The following NT5DC3 variants were observed in gnomAD, a reference collection of about 807,000 sequenced individuals.
The protein encoded by NT5DC3 is 5'-nucleotidase domain-containing protein 3.
A neutral mutation model predicts 67.8 loss-of-function variants in NT5DC3; 42 were observed. The ratio of observed to expected loss-of-function variants is 0.62; its 90% CI spans 0.48 to 0.80. The LOEUF (loss-of-function observed/expected upper bound fraction) is 0.80, where lower values mean the gene tolerates loss of function less well. Ranked by LOEUF, NT5DC3 falls within the 30% of genes least tolerant of loss-of-function variation. The pLI is 0.00. For missense variants in NT5DC3, 570 were observed against 696.4 expected, an observed-to-expected ratio of 0.82 and a Z score of 2.04; for synonymous variants, 237 against 255.6, an observed-to-expected ratio of 0.93 and a Z score of 0.69.
chr12:103,781,563 G>A (rs901644027), intron 12 of NT5DC3, among the ~76,000 whole-genome samples: 3 of 152,020 alleles, frequency 2.0e-5, no homozygotes, highest in Non-Finnish European at 4.4e-5. Context: ...CAGCCCTCTC[G>A]CCTGCATCCT....
downstream of NT5DC3, among the ~76,000 whole-genome samples, chr12:103,768,011 C>G (rs2139274338): frequency 6.6e-6 from 1 of 150,784 alleles, no homozygotes; most frequent in Non-Finnish European, 1.5e-5. Flanking sequence ...TAGCTTGAAC[C>G]CAGGAGGCAG....
At chr12:103,801,856 C>G (rs1415925026) in intron 4 of NT5DC3, among the ~76,000 whole-genome samples, 2 of 152,218 alleles carry the variant, frequency 1.3e-5, no homozygotes, top group Non-Finnish European at 2.9e-5. Context: ...CGAAGCCCAG[C>G]AGCACCACCC....
chr12:103,750,522 G>A, the NT5DC3 span: 1 of 1,597,108 alleles, frequency 6.3e-7, no homozygotes, highest in South Asian at 1.1e-5. Flanking sequence ...GGGCACTTGG[G>A]CATCCTGGGG....
chr12:103,827,149 G>C (rs892666622), intron 1 of NT5DC3, among the ~76,000 whole-genome samples: 6 of 152,196 alleles, frequency 3.9e-5, no homozygotes, highest in African/African-American at 1.4e-4. Context: ...GGAAGCTGAG[G>C]CAGGAGAATT....
chr12:103,834,537 G>A (rs1386494713), intron 1 of NT5DC3, among the ~76,000 whole-genome samples: 2 of 152,148 alleles, frequency 1.3e-5, no homozygotes, highest in African/African-American at 2.4e-5. Context: ...AGGTAAATAC[G>A]AAGGAAAACT....
the NT5DC3 span, chr12:103,763,252 T>G: frequency 2.0e-6 from 1 of 503,198 alleles, no homozygotes; most frequent in Admixed American, 3.3e-5. Context: ...TCCTGGGGTA[T>G]GGAAATGCCC....
At chr12:103,799,804 C>CAAAAAAAAAAAAAAA (rs72379630) in intron 4 of NT5DC3, among the ~76,000 whole-genome samples, 1 of 131,494 alleles carries the variant, frequency 7.6e-6, no homozygotes, top group South Asian at 2.8e-4. Flanking sequence ...CTCCACATAC[C>CAAAAAAAAAAAAAAA]AAAAAAAAAA....
chr12:103,757,535 G>C, the NT5DC3 span, among the ~76,000 whole-genome samples: 4 of 152,242 alleles, frequency 2.6e-5, no homozygotes, highest in Non-Finnish European at 5.9e-5. Flanking sequence ...GCAGGGCTTG[G>C]GGGGCACCCC....
chr12:103,782,066 AAAG>A (rs1308539006), intron 12 of NT5DC3, among the ~76,000 whole-genome samples: 1 of 152,228 alleles, frequency 6.6e-6, no homozygotes, highest in Admixed American at 6.5e-5. Flanking sequence ...AAAAAACTCA[AAAG>A]AAGAATAATT....
the NT5DC3 span, among the ~76,000 whole-genome samples, chr12:103,753,709 T>G: frequency 6.6e-6 from 1 of 152,232 alleles, no homozygotes; most frequent in Non-Finnish European, 1.5e-5. Flanking sequence ...AGGGTAGACC[T>G]GACTCTTAAA....
At chr12:103,761,435 C>A in the NT5DC3 span, 1 of 1,605,546 alleles carries the variant, frequency 6.2e-7, no homozygotes, top group African/African-American at 1.3e-5. Flanking sequence ...TCCCTGATAA[C>A]GGGCCAGGAG....
At chr12:103,808,862 G>A (rs981929789) in intron 2 of NT5DC3, among the ~76,000 whole-genome samples, 2 of 152,202 alleles carry the variant, frequency 1.3e-5, no homozygotes, top group African/African-American at 4.8e-5. Context: ...ATGTCACTGA[G>A]AGCGGTGCCT....
intron 12 of NT5DC3, among the ~76,000 whole-genome samples, chr12:103,784,644 G>A (rs1885689795): frequency 6.6e-6 from 1 of 152,238 alleles, no homozygotes; most frequent in Non-Finnish European, 1.5e-5. Context: ...GCTGGAGCCA[G>A]GGAGAAAGCA....
At chr12:103,778,222 C>T (rs1452489549) in intron 13 of NT5DC3, 141 bp from the exon 14 acceptor site, 2 of 895,812 alleles carry the variant, frequency 2.2e-6, no homozygotes, top group East Asian at 5.6e-5. Flanking sequence ...AGAGCAGCCC[C>T]AAATATTAAT....
chr12:103,816,534 G>A (rs1178981808), intron 1 of NT5DC3, among the ~76,000 whole-genome samples: 1 of 152,180 alleles, frequency 6.6e-6, no homozygotes, highest in Admixed American at 6.5e-5. Context: ...TCCACTGGAT[G>A]TTAGGTTTGG....
chr12:103,749,558 G>A, the NT5DC3 span, among the ~76,000 whole-genome samples: 33,165 of 151,678 alleles, frequency 0.22, 3,765 homozygotes, highest in South Asian at 0.28. Flanking sequence ...GGCCGGGCAC[G>A]GTGGCTCACG....
intron 2 of NT5DC3, among the ~76,000 whole-genome samples, chr12:103,811,305 G>A (rs141225034): frequency 0.032 from 4,864 of 152,026 alleles, 88 homozygotes; most frequent in Middle Eastern, 0.041. Flanking sequence ...GAAGCAAGCC[G>A]GGAGCAAGCC....
chr12:103,839,511 G>A (rs1292411118), intron 1 of NT5DC3, among the ~76,000 whole-genome samples: 1 of 152,108 alleles, frequency 6.6e-6, no homozygotes, highest in African/African-American at 2.4e-5. Flanking sequence ...CAAAGTGCTG[G>A]GATTACAGGC....
chr12:103,757,121 T>C, the NT5DC3 span, among the ~76,000 whole-genome samples: 1 of 151,508 alleles, frequency 6.6e-6, no homozygotes, highest in Non-Finnish European at 1.5e-5. Context: ...GAGAGTCTTG[T>C]TGTGTTGCCC....
Sources: gnomAD v4.1 joint callset for allele counts (sites outside exome capture counted in the v4.1 genomes callset) on GRCh38, gnomAD v4.1.1 for gene constraint, MANE v1.5 for transcripts, NCBI Gene and HGNC (gene_info 2026-07-23, HGNC 2026-07-21) for gene names.